MDGA2: variants seen among roughly 807,000 people sequenced by gnomAD.
MDGA2 encodes MAM domain-containing glycosylphosphatidylinositol anchor protein 2.
Under a neutral mutation model 117.8 loss-of-function variants are expected in MDGA2, and 40 were observed. That is an observed-to-expected ratio of 0.34 (90% CI 0.26 to 0.44). The LOEUF (loss-of-function observed/expected upper bound fraction) is 0.44. MDGA2 is among the 20% of genes least tolerant of loss of function. The pLI is 1.00. For synonymous variants in MDGA2, 452 were observed against 439.0 expected, an observed-to-expected ratio of 1.03 and a Z score of -0.37; for missense variants, 1,123 against 1,250.6, an observed-to-expected ratio of 0.90 and a Z score of 1.54.
At position 47,492,655 on chromosome 14, in the gene MDGA2, T is replaced by C. The variant is rs1050961903; in HGVS notation, c.280+181862A>G. On this transcript the variant is annotated intron_variant, in intron 1 of 16. Coordinates refer to ENST00000399232, the MANE Select transcript of MDGA2 (RefSeq NM_001113498.3). ...AAGTTAAAATATGATCAATTTCAGA[T>C]CACATTATCTGTGCTTATTTTTACT... is the stretch of plus-strand genomic sequence containing the variant. 2.6e-5 allele frequency among the ~76,000 whole-genome samples: 4 copies of C among 152,276 alleles called. No individual in the cohort carries two copies. The South Asian group carries it at 8.3e-4, about 32-fold the overall frequency.
intron 6 of MDGA2, among the ~76,000 whole-genome samples, chr14:47,062,871 A>G (rs1889942687): frequency 6.6e-6 from 1 of 152,106 alleles, no homozygotes. Flanking sequence ...TTAGCCTCAA[A>G]TATTTTCATC....
At chr14:47,200,178 A>T (rs914523802) in intron 3 of MDGA2, among the ~76,000 whole-genome samples, 1 of 152,142 alleles carries the variant, frequency 6.6e-6, no homozygotes, top group Non-Finnish European at 1.5e-5. Flanking sequence ...GGATGACCAA[A>T]GAACGAAAAA....
chr14:46,901,190 G>C (rs1883270739), intron 10 of MDGA2, among the ~76,000 whole-genome samples: 1 of 130,038 alleles, frequency 7.7e-6, no homozygotes, highest in East Asian at 2.8e-4. Context: ...TTGTGGGGTG[G>C]GGGGAGGGGG....
At chr14:47,255,894 T>C (rs1887601016) in intron 2 of MDGA2, among the ~76,000 whole-genome samples, 3 of 152,004 alleles carry the variant, frequency 2.0e-5, no homozygotes, top group African/African-American at 7.2e-5. Flanking sequence ...ATTGGCATAT[T>C]TGTATAGTCC....
At chr14:47,153,715 A>T (rs1297687280) in intron 3 of MDGA2, among the ~76,000 whole-genome samples, 22 of 151,956 alleles carry the variant, frequency 1.4e-4, no homozygotes, top group African/African-American at 4.3e-4. Context: ...GAAATAAAAA[A>T]AAAAAAAAAA....
At chr14:47,645,806 C>T (rs898033270) in intron 1 of MDGA2, among the ~76,000 whole-genome samples, 1 of 151,828 alleles carries the variant, frequency 6.6e-6, no homozygotes, top group Non-Finnish European at 1.5e-5. Flanking sequence ...GGCGCGGTGG[C>T]TCATGCCTGT....
chr14:47,620,393 G>A (rs1479000455), intron 1 of MDGA2, among the ~76,000 whole-genome samples: 1 of 152,180 alleles, frequency 6.6e-6, no homozygotes, highest in African/African-American at 2.4e-5. Flanking sequence ...TTGTTTAGAC[G>A]AAATCTTTGG....
At chr14:47,327,897 G>A (rs1890188004) in intron 1 of MDGA2, among the ~76,000 whole-genome samples, 2 of 152,256 alleles carry the variant, frequency 1.3e-5, no homozygotes, top group South Asian at 4.1e-4. Flanking sequence ...TTAAGGAAAA[G>A]GTGGAAGCTA....
At chr14:47,369,101 A>G (rs12883597) in intron 1 of MDGA2, among the ~76,000 whole-genome samples, 39,763 of 152,078 alleles carry the variant, frequency 0.26, 5,552 homozygotes, top group Middle Eastern at 0.41. Context: ...TTATGCCTAG[A>G]TAGATATCTA....
chr14:47,121,569 A>G (rs1173520381), intron 5 of MDGA2, among the ~76,000 whole-genome samples: 1 of 152,092 alleles, frequency 6.6e-6, no homozygotes, highest in African/African-American at 2.4e-5. Flanking sequence ...GAGCTAGATG[A>G]TATTTTAGAA....
At chr14:46,937,125 A>G (rs1884811197) in intron 9 of MDGA2, among the ~76,000 whole-genome samples, 1 of 152,150 alleles carries the variant, frequency 6.6e-6, no homozygotes, top group Non-Finnish European at 1.5e-5. Context: ...TACACAAATC[A>G]GTAGCATTTA....
chr14:46,983,138 T>C (rs898582013), intron 8 of MDGA2, among the ~76,000 whole-genome samples: 7 of 152,094 alleles, frequency 4.6e-5, no homozygotes, highest in Non-Finnish European at 1.5e-5. Flanking sequence ...TGCAAAAATA[T>C]TTTCAAAGAG....
At chr14:47,104,598 T>C (rs11846363) in intron 5 of MDGA2, among the ~76,000 whole-genome samples, 75,560 of 147,954 alleles carry the variant, frequency 0.51, 19,523 homozygotes, top group African/African-American at 0.63. Flanking sequence ...GGACTCAGCC[T>C]GCCTGCACCC....
At chr14:47,411,495 A>C (rs1328289281) in intron 1 of MDGA2, among the ~76,000 whole-genome samples, 11 of 152,154 alleles carry the variant, frequency 7.2e-5, no homozygotes. Context: ...AATTAAGTAT[A>C]AGCTTACCCA....
intron 1 of MDGA2, among the ~76,000 whole-genome samples, chr14:47,532,039 G>A (rs1431208255): frequency 6.6e-6 from 1 of 152,178 alleles, no homozygotes; most frequent in Non-Finnish European, 1.5e-5. Context: ...TCCACCTCAG[G>A]AGCTCCTTAT....
At position 47,231,824 on chromosome 14, in the gene MDGA2, C is replaced by T. The variant is rs1050336157; in HGVS notation, c.421-13629G>A. 2.7e-5 allele frequency among the ~76,000 whole-genome samples: 4 copies of T among 150,708 alleles called. No individual in the cohort carries two copies. In the South Asian group the frequency reaches 6.2e-4, roughly 23 times the overall value. ...AAAAGGTCTGAGAATCTTCTGAAAA[C>T]AGAGTGTTCTTCTCCACAAACAGCA... On this transcript the variant is annotated intron_variant, in intron 2 of 16. Transcript: ENST00000399232.
chr14:47,450,149 T>C (rs778348386), intron 1 of MDGA2, among the ~76,000 whole-genome samples: 4 of 152,130 alleles, frequency 2.6e-5, no homozygotes, highest in Non-Finnish European at 4.4e-5. Context: ...TTTTTTTTAG[T>C]ACAGATAGCT....
At chr14:46,956,897 A>G (rs1428888210) in intron 9 of MDGA2, among the ~76,000 whole-genome samples, 1 of 152,052 alleles carries the variant, frequency 6.6e-6, no homozygotes, top group Non-Finnish European at 1.5e-5. Flanking sequence ...TGATAGTTTA[A>G]AAGTGTGTGA....
chr14:47,422,173 T>C (rs895398912), intron 1 of MDGA2, among the ~76,000 whole-genome samples: 3 of 152,200 alleles, frequency 2.0e-5, no homozygotes, highest in Non-Finnish European at 4.4e-5. Context: ...GCATTCTCAG[T>C]AGTTTGTAAT....
Sources: gnomAD v4.1 joint callset for allele counts (sites outside exome capture counted in the v4.1 genomes callset) on GRCh38, gnomAD v4.1.1 for gene constraint, MANE v1.5 for transcripts, NCBI Gene and HGNC (gene_info 2026-07-23, HGNC 2026-07-21) for gene names.